The following SYN3 variants were observed in gnomAD, a reference collection of about 807,000 sequenced individuals.
SYN3 encodes the protein synapsin III.
SYN3 carries 35 observed loss-of-function variants against 65.8 expected under a neutral mutation model. The observed-to-expected ratio is 0.53, with a 90% CI of 0.41 to 0.70. The LOEUF is 0.70. Among genes scored for constraint, SYN3 ranks in the 30% least tolerant of loss-of-function variants. The pLI, the probability that SYN3 is intolerant of heterozygous loss-of-function variation, is 0.00. For synonymous variants in SYN3, 270 were observed against 292.9 expected (o/e 0.92, Z 0.80); for missense variants, 680 against 749.0 (o/e 0.91, Z 1.08).
At chr22:33,055,387 A>C (rs1373388168) in intron 1 of SYN3, among the ~76,000 whole-genome samples, 1 of 152,210 alleles carries the variant, frequency 6.6e-6, no homozygotes, top group Non-Finnish European at 1.5e-5. Context: ...GTCTTTGAAT[A>C]AGCTGTTCTC....
At chr22:32,818,373 C>A (rs748020663) in intron 6 of SYN3, among the ~76,000 whole-genome samples, 7 of 152,036 alleles carry the variant, frequency 4.6e-5, no homozygotes, top group Non-Finnish European at 1.0e-4. Flanking sequence ...GGGCTGGGGG[C>A]AGCATGGTAG....
chr22:33,008,696 T>C (rs2053261139), intron 1 of SYN3, among the ~76,000 whole-genome samples: 1 of 152,044 alleles, frequency 6.6e-6, no homozygotes. Flanking sequence ...GGCAGATCAC[T>C]TGAAGCCAGG....
chr22:32,880,212 T>C lies in SYN3; in HGVS notation c.462-11087A>G, dbSNP rs905248357. Among the ~76,000 whole-genome samples the C allele has an allele frequency of 5.3e-5, 8 of 152,314 alleles. No individual in the cohort carries two copies. In the South Asian group the frequency reaches 1.2e-3, roughly 24 times the overall value. ...GCTTGCAAAAGGCATTTCAACATGA[T>C]CTCATAGCATCCTCACCCCAAACCC... On this transcript the variant is annotated intron_variant, in intron 4 of 13. Coordinates refer to ENST00000358763, the MANE Select transcript of SYN3 (RefSeq NM_003490.4).
chr22:32,993,098 C>T (rs530569053), intron 2 of SYN3, among the ~76,000 whole-genome samples: 1 of 152,240 alleles, frequency 6.6e-6, no homozygotes, highest in Admixed American at 6.5e-5. Context: ...AGGATGAAAG[C>T]AAGCAGGAGC....
At chr22:32,872,661 C>T (rs1036638910) in intron 4 of SYN3, among the ~76,000 whole-genome samples, 2 of 152,192 alleles carry the variant, frequency 1.3e-5, no homozygotes, top group Non-Finnish European at 2.9e-5. Context: ...GATGGATATG[C>T]AATGACTATA....
At chr22:32,542,227 G>A (rs1301375585) in intron 7 of SYN3, among the ~76,000 whole-genome samples, 2 of 152,172 alleles carry the variant, frequency 1.3e-5, no homozygotes, top group African/African-American at 4.8e-5. Flanking sequence ...CAAAATCACT[G>A]AAGCAGCTGT....
At chr22:32,854,331 C>A (rs920848026) in intron 6 of SYN3, among the ~76,000 whole-genome samples, 28 of 152,110 alleles carry the variant, frequency 1.8e-4, no homozygotes, top group Non-Finnish European at 1.6e-4. Context: ...CAAGTAGCTG[C>A]GGTGCCAAGC....
At chr22:32,813,503 ACAC>A (rs1162784124) in intron 6 of SYN3, among the ~76,000 whole-genome samples, 10 of 149,222 alleles carry the variant, frequency 6.7e-5, no homozygotes, top group African/African-American at 2.5e-4. Flanking sequence ...ACACACACAC[ACAC>A]ACACACACAC....
At chr22:32,516,878 T>TA (rs1374974132) in intron 13 of SYN3, among the ~76,000 whole-genome samples, 3 of 151,936 alleles carry the variant, frequency 2.0e-5, no homozygotes, top group South Asian at 2.1e-4. Flanking sequence ...TGTGAGAACT[T>TA]AAAAAAAACC....
At chr22:33,047,241 A>T (rs1188937828) in intron 1 of SYN3, among the ~76,000 whole-genome samples, 1 of 152,186 alleles carries the variant, frequency 6.6e-6, no homozygotes. Context: ...CATGAGGGTA[A>T]CCTTATCTGT....
At chr22:32,860,667 C>T (rs2048510301) in intron 6 of SYN3, 1 of 152,534 alleles carries the variant, frequency 6.6e-6, no homozygotes, top group African/African-American at 2.4e-5. Flanking sequence ...TAACTGCCTT[C>T]CTGGCTTAGC....
At chr22:32,592,883 G>C (rs1156675495) in intron 7 of SYN3, among the ~76,000 whole-genome samples, 2 of 152,168 alleles carry the variant, frequency 1.3e-5, no homozygotes, top group Non-Finnish European at 2.9e-5. Flanking sequence ...CATAGAGTAG[G>C]CACCACAAGT....
chr22:32,744,066 C>T (rs1025501298), intron 6 of SYN3, among the ~76,000 whole-genome samples: 1 of 152,128 alleles, frequency 6.6e-6, no homozygotes, highest in African/African-American at 2.4e-5. Flanking sequence ...CCACCCCTTG[C>T]TCTCACTCCC....
At chr22:32,841,230 C>T (rs565380695) in intron 6 of SYN3, among the ~76,000 whole-genome samples, 40 of 152,160 alleles carry the variant, frequency 2.6e-4, no homozygotes, top group Admixed American at 6.5e-4. Flanking sequence ...ACCTGCTGCC[C>T]GGGGAGGCTT....
intron 3 of SYN3, among the ~76,000 whole-genome samples, chr22:32,977,261 T>C (rs538944015): frequency 1.3e-5 from 2 of 152,338 alleles, no homozygotes; most frequent in East Asian, 3.9e-4. Context: ...GGGTGAGTTA[T>C]TCTTAGGGCA....
chr22:32,913,797 A>G (rs1468353827), intron 4 of SYN3, among the ~76,000 whole-genome samples: 1 of 152,250 alleles, frequency 6.6e-6, no homozygotes, highest in Non-Finnish European at 1.5e-5. Flanking sequence ...GTGCAGGCAC[A>G]GTGGGCATCC....
At chr22:32,920,519 A>G (rs2050309303) in intron 4 of SYN3, among the ~76,000 whole-genome samples, 1 of 152,208 alleles carries the variant, frequency 6.6e-6, no homozygotes, top group Admixed American at 6.5e-5. Context: ...GGTTTGGACA[A>G]AAACCAGAGG....
intron 6 of SYN3, among the ~76,000 whole-genome samples, chr22:32,681,581 A>G (rs1353857273): frequency 6.6e-6 from 1 of 152,222 alleles, no homozygotes; most frequent in East Asian, 1.9e-4. Flanking sequence ...ACTGGACTTC[A>G]GCTCACCTGA....
intron 4 of SYN3, among the ~76,000 whole-genome samples, chr22:32,900,665 C>T (rs895459598): frequency 1.3e-5 from 2 of 152,202 alleles, no homozygotes; most frequent in Non-Finnish European, 2.9e-5. Context: ...ACTGTATATA[C>T]TCCTCACTTC....
Sources: allele counts gnomAD v4.1 joint callset (sites outside exome capture counted in the v4.1 genomes callset), GRCh38; gene constraint gnomAD v4.1.1; transcripts MANE v1.5; gene names NCBI Gene and HGNC (gene_info 2026-07-23, HGNC 2026-07-21).